The following TNNI3K variants were observed in gnomAD, a reference collection of about 807,000 sequenced individuals.
TNNI3K encodes TNNI3 interacting kinase, also known as serine/threonine-protein kinase TNNI3K.
TNNI3K carries 140 observed loss-of-function variants against 114.5 expected under a neutral mutation model. The observed-to-expected ratio is 1.22, with a 90% CI of 1.07 to 1.41. The LOEUF (loss-of-function observed/expected upper bound fraction) is 1.41. Ranked by LOEUF, TNNI3K falls within the 40% of genes most tolerant of loss-of-function variation. The pLI is 0.00. For missense variants in TNNI3K, 1,125 were observed against 1,007.6 expected, an observed-to-expected ratio of 1.12 and a Z score of -1.58; for synonymous variants, 347 against 347.5, an observed-to-expected ratio of 1.00 and a Z score of 0.02.
At chr1:74,405,397 A>G (rs1664566818) in intron 17 of TNNI3K, among the ~76,000 whole-genome samples, 1 of 152,340 alleles carries the variant, frequency 6.6e-6, no homozygotes, top group South Asian at 2.1e-4. Flanking sequence ...AATTTTAAGC[A>G]GGTAAATAAT....
At chr1:74,324,799 G>A (rs1659811996) in intron 5 of TNNI3K, among the ~76,000 whole-genome samples, 2 of 152,148 alleles carry the variant, frequency 1.3e-5, no homozygotes, top group African/African-American at 4.8e-5. Context: ...CTAATTAATG[G>A]CTTTAGAGTA....
intron 21 of TNNI3K, among the ~76,000 whole-genome samples, chr1:74,487,444 T>C (rs1321867485): frequency 2.0e-5 from 3 of 152,180 alleles, no homozygotes; most frequent in African/African-American, 7.2e-5. Flanking sequence ...GCTCTCTGAA[T>C]AGTACTGACG....
At chr1:74,412,787 G>A (rs564136412) in intron 17 of TNNI3K, among the ~76,000 whole-genome samples, 16 of 152,122 alleles carry the variant, frequency 1.1e-4, no homozygotes, top group African/African-American at 3.9e-4. Flanking sequence ...GCTAATTCTT[G>A]TATTTTTATT....
At chr1:74,257,872 T>G (rs1317735575) in intron 4 of TNNI3K, among the ~76,000 whole-genome samples, 1 of 151,972 alleles carries the variant, frequency 6.6e-6, no homozygotes, top group Non-Finnish European at 1.5e-5. Context: ...TTTCACCATG[T>G]TAGCCAGGAT....
chr1:74,324,905 C>A lies in TNNI3K; in HGVS notation c.445-6545C>A, dbSNP rs151119705. 2.4e-4 allele frequency among the ~76,000 whole-genome samples: 36 copies of A among 152,088 alleles called. No homozygotes were observed. The East Asian group carries it at 4.8e-3, about 20-fold the overall frequency. On this transcript the variant is annotated intron_variant, in intron 5 of 24. Transcript: ENST00000326637. ...GTGCTAGGTGTGAGCATCAGAGGAG[C>A]AAGCCAAGTAGATTATTGTAGGAGA...
At chr1:74,471,881 G>T (rs1407327936) in intron 21 of TNNI3K, 4 of 461,364 alleles carry the variant, frequency 8.7e-6, no homozygotes, top group Non-Finnish European at 1.1e-5. Context: ...TCTTCAAATT[G>T]CTCACAGGGC....
intron 20 of TNNI3K, among the ~76,000 whole-genome samples, chr1:74,454,415 A>G (rs971695560): frequency 3.3e-5 from 5 of 151,988 alleles, no homozygotes; most frequent in East Asian, 1.9e-4. Context: ...TCTACTTTCT[A>G]TCTCCATGAG....
At chr1:74,522,933 C>T (rs989633385) in intron 23 of TNNI3K, among the ~76,000 whole-genome samples, 1 of 152,218 alleles carries the variant, frequency 6.6e-6, no homozygotes, top group African/African-American at 2.4e-5. Flanking sequence ...ACACTTCTAA[C>T]TCCAAGCCCA....
chr1:74,290,756 C>T (rs1306470945), intron 5 of TNNI3K, among the ~76,000 whole-genome samples: 1 of 151,600 alleles, frequency 6.6e-6, no homozygotes, highest in Non-Finnish European at 1.5e-5. Context: ...CTTAAATATT[C>T]ACCTTTACAG....
At chr1:74,249,865 C>G (rs1288345998) in intron 3 of TNNI3K, among the ~76,000 whole-genome samples, 1 of 152,090 alleles carries the variant, frequency 6.6e-6, no homozygotes, top group East Asian at 1.9e-4. Context: ...AAAGATTCCC[C>G]AAAATATCAT....
At chr1:74,509,438 T>A (rs1422043272) in intron 23 of TNNI3K, among the ~76,000 whole-genome samples, 1 of 152,236 alleles carries the variant, frequency 6.6e-6, no homozygotes, top group African/African-American at 2.4e-5. Context: ...TTTAAGATGC[T>A]TGAGAACTAA....
At chr1:74,246,240 C>A (rs940364375) in intron 2 of TNNI3K, among the ~76,000 whole-genome samples, 2 of 152,130 alleles carry the variant, frequency 1.3e-5, no homozygotes, top group African/African-American at 2.4e-5. Flanking sequence ...GCTTTTAAAC[C>A]CTCAAAGCCA....
At chr1:74,537,026 C>A (rs1365870238) in intron 23 of TNNI3K, among the ~76,000 whole-genome samples, 1 of 152,136 alleles carries the variant, frequency 6.6e-6, no homozygotes, top group Non-Finnish European at 1.5e-5. Flanking sequence ...GGGTAGCTTC[C>A]ATCTGTCTGT....
intron 5 of TNNI3K, among the ~76,000 whole-genome samples, chr1:74,273,681 A>G (rs1292949110): frequency 1.3e-5 from 2 of 151,918 alleles, no homozygotes; most frequent in East Asian, 1.9e-4. Context: ...ATTTTACCAG[A>G]CTTAGGGCAA....
intron 23 of TNNI3K, among the ~76,000 whole-genome samples, chr1:74,505,990 C>T (rs897220510): frequency 6.6e-6 from 1 of 152,166 alleles, no homozygotes; most frequent in African/African-American, 2.4e-5. Flanking sequence ...AATGAAATCA[C>T]TTTTTGTTTT....
intron 2 of TNNI3K, among the ~76,000 whole-genome samples, chr1:74,241,350 A>G (rs1028268627): frequency 1.3e-5 from 2 of 152,220 alleles, no homozygotes; most frequent in Non-Finnish European, 2.9e-5. Context: ...CTGAGGAATC[A>G]TCACACTGAC....
At chr1:74,539,768 T>C (rs995882245) in intron 23 of TNNI3K, among the ~76,000 whole-genome samples, 2 of 151,946 alleles carry the variant, frequency 1.3e-5, no homozygotes, top group Non-Finnish European at 2.9e-5. Flanking sequence ...GCGATATATA[T>C]AAAAACAGAA....
intron 4 of TNNI3K, among the ~76,000 whole-genome samples, chr1:74,266,914 G>C (rs541792700): frequency 6.6e-6 from 1 of 151,862 alleles, no homozygotes; most frequent in Non-Finnish European, 1.5e-5. Context: ...TAGCTGGAGC[G>C]CTTTTTTGTC....
At chr1:74,540,767 T>A (rs929017590) in intron 24 of TNNI3K, among the ~76,000 whole-genome samples, 1 of 17,506 alleles carries the variant, frequency 5.7e-5, no homozygotes, top group Non-Finnish European at 2.1e-4. Context: ...GGAGAGCTGT[T>A]CCCCTTTTAG....
Sources: allele counts gnomAD v4.1 joint callset (sites outside exome capture counted in the v4.1 genomes callset), GRCh38; gene constraint gnomAD v4.1.1; transcripts MANE v1.5; gene names NCBI Gene and HGNC (gene_info 2026-07-23, HGNC 2026-07-21).